The following NYAP2 variants were observed in gnomAD, a reference collection of about 807,000 sequenced individuals.
The protein encoded by NYAP2 is neuronal tyrosine-phosphorylated phosphoinositide-3-kinase adaptor 2, also known as neuronal tyrosine-phosphorylated phosphoinositide-3-kinase adapter 2.
Under a neutral mutation model 50.4 loss-of-function variants are expected in NYAP2, and 23 were observed. That is an observed-to-expected ratio of 0.46 (90% CI 0.33 to 0.65). The LOEUF is 0.65. Ranked by LOEUF, NYAP2 falls within the 30% of genes least tolerant of loss-of-function variation. The pLI, the probability that NYAP2 is intolerant of heterozygous loss-of-function variation, is 0.02. For synonymous variants in NYAP2, 394 were observed against 365.2 expected (o/e 1.08, Z -0.90); for missense variants, 885 against 861.0 (o/e 1.03, Z -0.35).
At chr2:225,627,625 G>C (rs2106258266) in intron 6 of NYAP2, among the ~76,000 whole-genome samples, 1 of 152,252 alleles carries the variant, frequency 6.6e-6, no homozygotes, top group Admixed American at 6.5e-5. Context: ...GGTGATAACT[G>C]GGCATTGGGA....
At chr2:225,624,803 G>A (rs146738746) in intron 5 of NYAP2, among the ~76,000 whole-genome samples, 26 of 151,904 alleles carry the variant, frequency 1.7e-4, no homozygotes, top group African/African-American at 6.3e-4. Context: ...TAAAATCAAG[G>A]AAGTTAGGTA....
chr2:225,545,870 T>C (rs1184910075), intron 4 of NYAP2, among the ~76,000 whole-genome samples: 2 of 152,166 alleles, frequency 1.3e-5, no homozygotes, highest in Non-Finnish European at 2.9e-5. Context: ...GATTTGGACA[T>C]TGTTATCTAA....
At chr2:225,448,911 T>C (rs1391687855) in intron 3 of NYAP2, among the ~76,000 whole-genome samples, 1 of 152,174 alleles carries the variant, frequency 6.6e-6, no homozygotes, top group African/African-American at 2.4e-5. Context: ...CCAACTCTGG[T>C]GAGCGAAAAG....
At chr2:225,660,314 T>G in the NYAP2 span, among the ~76,000 whole-genome samples, 733 of 152,274 alleles carry the variant, frequency 4.8e-3, 1 homozygote, top group Non-Finnish European at 8.0e-3. Flanking sequence ...TCAGCTCTCC[T>G]GCCCCCAATA....
chr2:225,593,411 C>T (rs914636175), intron 5 of NYAP2, among the ~76,000 whole-genome samples: 1 of 152,196 alleles, frequency 6.6e-6, no homozygotes, highest in African/African-American at 2.4e-5. Flanking sequence ...GGACCCCCTT[C>T]CTCCTTCTGA....
chr2:225,427,827 C>T (rs1559176966), intron 3 of NYAP2, among the ~76,000 whole-genome samples: 1 of 152,124 alleles, frequency 6.6e-6, no homozygotes, highest in Non-Finnish European at 1.5e-5. Context: ...ATCTAATAAC[C>T]TGGAAGATTT....
At chr2:225,642,878 GGGT>G in intron 6 of NYAP2, among the ~76,000 whole-genome samples, 1 of 152,198 alleles carries the variant, frequency 6.6e-6, no homozygotes, top group South Asian at 2.1e-4. Flanking sequence ...AAATTTGTAT[GGGT>G]GTTTAAAAAC....
chr2:225,431,782 C>T (rs1191053660), intron 3 of NYAP2, among the ~76,000 whole-genome samples: 2 of 152,126 alleles, frequency 1.3e-5, no homozygotes, highest in Non-Finnish European at 2.9e-5. Flanking sequence ...TAAGGCAAGC[C>T]ATGTTCCATC....
exon 3 of NYAP2, chr2:225,408,924 C>T (rs772913722): frequency 6.2e-7 from 1 of 1,611,660 alleles, no homozygotes; most frequent in Non-Finnish European, 8.5e-7. Flanking sequence ...GAGGAAGACC[C>T]TTTGGACACA....
chr2:225,672,156 T>C, the NYAP2 span, among the ~76,000 whole-genome samples: 2 of 152,164 alleles, frequency 1.3e-5, no homozygotes, highest in Non-Finnish European at 2.9e-5. Flanking sequence ...TATTGACTTC[T>C]CTCTAGCTAG....
chr2:225,686,316 C>T, the NYAP2 span, among the ~76,000 whole-genome samples: 2 of 152,170 alleles, frequency 1.3e-5, no homozygotes, highest in Admixed American at 6.5e-5. Context: ...TCTAAAATTT[C>T]GCTGCAGCAA....
intron 4 of NYAP2, among the ~76,000 whole-genome samples, chr2:225,515,799 T>A (rs1301968651): frequency 6.6e-6 from 1 of 152,144 alleles, no homozygotes; most frequent in East Asian, 1.9e-4. Flanking sequence ...ATAAATTATG[T>A]TAGATTGTTT....
chr2:225,617,695 G>A (rs1470913104), intron 5 of NYAP2, among the ~76,000 whole-genome samples: 1 of 152,114 alleles, frequency 6.6e-6, no homozygotes, highest in Admixed American at 6.5e-5. Context: ...GGTAATTGTG[G>A]AAACATTTAT....
chr2:225,683,323 C>A, the NYAP2 span, among the ~76,000 whole-genome samples: 3 of 152,082 alleles, frequency 2.0e-5, no homozygotes, highest in South Asian at 6.2e-4. Context: ...GAGGGGAGAG[C>A]CATTTTCTGG....
chr2:225,679,490 A>ATTTTTTTTTTTTTTTTTTTT, the NYAP2 span, among the ~76,000 whole-genome samples: 1 of 98,152 alleles, frequency 1.0e-5, no homozygotes, highest in African/African-American at 3.6e-5. Context: ...GGAGCTTCTA[A>ATTTTTTTTTTTTTTTTTTTT]TTGTTTTTTT....
At chr2:225,415,410 T>C (rs1177663384) in intron 3 of NYAP2, among the ~76,000 whole-genome samples, 7 of 152,182 alleles carry the variant, frequency 4.6e-5, no homozygotes, top group Admixed American at 4.6e-4. Context: ...TATCCAAGTT[T>C]TGAATTGGTT....
intron 3 of NYAP2, among the ~76,000 whole-genome samples, chr2:225,474,478 T>C (rs2106161116): frequency 6.6e-6 from 1 of 152,326 alleles, no homozygotes; most frequent in Non-Finnish European, 1.5e-5. Flanking sequence ...TATCCTCTTT[T>C]ATTTCGTTGA....
chr2:225,688,989 G>C, the NYAP2 span, among the ~76,000 whole-genome samples: 1 of 152,158 alleles, frequency 6.6e-6, no homozygotes, highest in Non-Finnish European at 1.5e-5. Flanking sequence ...GTGATCTGCT[G>C]CCTCAGCCTC....
At chr2:225,418,165 T>A (rs1224892774) in intron 3 of NYAP2, among the ~76,000 whole-genome samples, 1 of 151,966 alleles carries the variant, frequency 6.6e-6, no homozygotes, top group Non-Finnish European at 1.5e-5. Flanking sequence ...AAAACAGATT[T>A]CTAAGGAAGA....
Sources: allele counts gnomAD v4.1 joint callset (sites outside exome capture counted in the v4.1 genomes callset), GRCh38; gene constraint gnomAD v4.1.1; transcripts MANE v1.5; gene names NCBI Gene and HGNC (gene_info 2026-07-23, HGNC 2026-07-21).